Variants in FMO5 observed in about 807,000 individuals in gnomAD.
FMO5 encodes the protein flavin containing dimethylaniline monoxygenase 5, also known as flavin-containing monooxygenase 5.
In FMO5, 51 loss-of-function variants were observed where a neutral mutation model predicts 43.6. The ratio of observed to expected loss-of-function variants is 1.17; its 90% CI spans 0.93 to 1.48. FMO5 has a LOEUF of 1.48. FMO5 is among the 40% of genes most tolerant of loss of function. The pLI is 0.00. For synonymous variants in FMO5, 187 were observed against 216.5 expected, an observed-to-expected ratio of 0.86 and a Z score of 1.20; for missense variants, 644 against 643.0, an observed-to-expected ratio of 1.00 and a Z score of -0.02.
At chr1:147,225,087 G>T (rs1230672223) in intron 1 of FMO5, 21 bp from the exon 2 acceptor site, 17 of 1,610,762 alleles carry the variant, frequency 1.1e-5, no homozygotes, top group Non-Finnish European at 1.4e-5. Flanking sequence ...GATGACAAAA[G>T]ACAAAAAGCA....
rs587613791 is a variant in FMO5 at position 147,224,572 on chromosome 1, C to T, written c.135+323G>A. 5.8e-4 allele frequency among the ~76,000 whole-genome samples: 88 copies of T among 151,998 alleles called. 1 individual carries two copies. Among genetic ancestry groups the T allele is most frequent in the African/African-American group, 2.1e-3 (87 of 41,430 alleles). ...TCACCCAGGCTGGAGTGCAGTGGGG[C>T]GATCTCGGCTCACTGCAAGCTCTGC... is the stretch of plus-strand genomic sequence containing the variant. On this transcript the variant is annotated intron_variant, in intron 2 of 8. Coordinates refer to ENST00000254090, the MANE Select transcript of FMO5 (RefSeq NM_001461.4).
intron 7 of FMO5, among the ~76,000 whole-genome samples, chr1:147,197,506 T>C (rs1658214352): frequency 6.6e-6 from 1 of 151,986 alleles, no homozygotes; most frequent in Non-Finnish European, 1.5e-5. Flanking sequence ...TGGTGGGAGG[T>C]GATTTAATCA....
intron 6 of FMO5, 47 bp from the exon 7 acceptor site, chr1:147,201,551 A>C: frequency 6.8e-7 from 1 of 1,471,828 alleles, no homozygotes. Context: ...AGAAAGAGAA[A>C]TCAGTACCAC....
chr1:147,201,628 G>A (rs1200138439), intron 6 of FMO5, 124 bp from the exon 7 acceptor site: 2 of 693,136 alleles, frequency 2.9e-6, no homozygotes, highest in East Asian at 5.3e-5. Flanking sequence ...GTCTATGCAT[G>A]AAGTTTGGAA....
At chr1:147,226,570 T>C (rs782202721), upstream of FMO5, among the ~76,000 whole-genome samples, 7 of 152,180 alleles carry the variant, frequency 4.6e-5, no homozygotes, top group Non-Finnish European at 1.0e-4. Flanking sequence ...TTTCAGGCAC[T>C]GGGTTAGAAC....
chr1:147,186,780 C>T lies in FMO5; in HGVS notation c.*120G>A, dbSNP rs587736241. 6.1e-5 allele frequency: 90 copies of T among 1,479,248 alleles called. 2 individuals are homozygous for T. The South Asian group carries it at 9.5e-4, about 16-fold the overall frequency. The allele number at this position is 1,479,248 out of a possible 1,614,324, so 91.6% of individuals were successfully genotyped here. A position where few individuals can be genotyped will look rare whatever the true frequency, so the allele number is the denominator to read the frequency against. On this transcript the variant is annotated 3_prime_UTR_variant, in exon 9 of 9. Coordinates refer to ENST00000254090, the MANE Select transcript of FMO5 (RefSeq NM_001461.4). ...AAAAAGGAAAGTGAATTAATGCTTT[C>T]GAAAGAGACATTAAAGTAGATTTCT...
At chr1:147,221,665 CA>C (rs1218358410) in intron 2 of FMO5, among the ~76,000 whole-genome samples, 1 of 152,080 alleles carries the variant, frequency 6.6e-6, no homozygotes, top group Non-Finnish European at 1.5e-5. Flanking sequence ...ATGTGTATTC[CA>C]AAAGTTCAAC....
chr1:147,225,350 T>A, upstream of FMO5: 1 of 321,960 alleles, frequency 3.1e-6, no homozygotes, highest in South Asian at 4.5e-5. Flanking sequence ...AACAGGCGGC[T>A]GTTGTCAAAT....
At chr1:147,225,249 C>A in intron 1 of FMO5, 38 bp downstream of exon 1, 1 of 1,296,254 alleles carries the variant, frequency 7.7e-7, no homozygotes, top group Non-Finnish European at 1.0e-6. Flanking sequence ...CTGCAAGACC[C>A]AGAGCTGAGA....
At chr1:147,202,873 G>A (rs1659279505) in intron 6 of FMO5, among the ~76,000 whole-genome samples, 1 of 151,948 alleles carries the variant, frequency 6.6e-6, no homozygotes, top group African/African-American at 2.4e-5. Context: ...TTATATATCT[G>A]GTCACCAAGC....
chr1:147,207,523 C>T (rs1553922683), intron 6 of FMO5, among the ~76,000 whole-genome samples: 1 of 152,174 alleles, frequency 6.6e-6, no homozygotes, highest in Non-Finnish European at 1.5e-5. Context: ...AATCTGTCCT[C>T]TTTCTTCTCA....
chr1:147,222,733 C>T (rs587775192), intron 2 of FMO5, among the ~76,000 whole-genome samples: 2 of 152,232 alleles, frequency 1.3e-5, no homozygotes, highest in African/African-American at 4.8e-5. Context: ...TAAAATTTTG[C>T]CAAGTGGATA....
At chr1:147,219,042 ATT>A (rs1662524045) in intron 2 of FMO5, among the ~76,000 whole-genome samples, 1 of 152,126 alleles carries the variant, frequency 6.6e-6, no homozygotes, top group Non-Finnish European at 1.5e-5. Flanking sequence ...TTAAATCTCT[ATT>A]ATCAGGACCT....
intron 6 of FMO5, among the ~76,000 whole-genome samples, chr1:147,208,010 G>A (rs1660393344): frequency 1.3e-5 from 2 of 152,048 alleles, no homozygotes; most frequent in Admixed American, 1.3e-4. Flanking sequence ...TCAGCCTTTG[G>A]GGTAGGTTTG....
intron 8 of FMO5, among the ~76,000 whole-genome samples, chr1:147,187,474 A>G (rs1378529052): frequency 6.6e-6 from 1 of 152,196 alleles, no homozygotes; most frequent in Admixed American, 6.5e-5. Context: ...AGACTGCCAA[A>G]TAGAAATGTG....
chr1:147,204,990 G>C, intron 6 of FMO5: 1 of 969,764 alleles, frequency 1.0e-6, no homozygotes, highest in Middle Eastern at 2.7e-4. Flanking sequence ...AGGAACCAAA[G>C]GTTTTCATGC....
Position 147,201,493 on chromosome 1 carries a change from T to A in FMO5, c.842A>T (p.Gln281Leu), listed in dbSNP as rs781791745. 1 of 1,612,876 alleles carries A rather than the reference T, an allele frequency of 6.2e-7. No individual in the cohort carries two copies. Among genetic ancestry groups the A allele is most frequent in the Admixed American group, 1.7e-5 (1 of 60,006 alleles). ...GLKPKHRALS[Q>L]HPTLNDDLPN... is the part of the protein sequence containing the mutation. ...CAGGTCATCATTTAAGGTTGGATGC[T>A]GACTCAGAGCTCTGTGAGTCGTGAC... The change falls in exon 7 of 9, where the codon CAG (glutamine) becomes CTG (leucine). Residue 281 changes from glutamine to leucine, a missense_variant. Physicochemically the swap from Gln to Leu is moderately radical, Grantham distance 113 (BLOSUM62 -2). Transcript: ENST00000254090.
At position 147,202,309 on chromosome 1, in the gene FMO5, G is replaced by GTCTTTTTTTTTTTTTTTTTTTTTTTTT. The variant is rs1659115947; in HGVS notation, c.831-806_831-805insAAAAAAAAAAAAAAAAAAAAAAAAAGA. 5.1e-5 allele frequency among the ~76,000 whole-genome samples: 6 copies of GTCTTTTTTTTTTTTTTTTTTTTTTTTT among 118,436 alleles called. 3 individuals are homozygous for GTCTTTTTTTTTTTTTTTTTTTTTTTTT. Among genetic ancestry groups the GTCTTTTTTTTTTTTTTTTTTTTTTTTT allele is most frequent in the Admixed American group, 2.0e-4 (2 of 10,254 alleles). 77.7% of individuals were successfully genotyped at this position (118,436 alleles called of 152,430 possible). On this transcript the variant is annotated intron_variant, in intron 6 of 8. Transcript: ENST00000254090. ...GTATCGTGGAGCTTTCTAAAAAGCA[G>GTCTTTTTTTTTTTTTTTTTTTTTTTTT]TTCTTTTTTTTTTTTTTTTTTTTTT...
intron 2 of FMO5, chr1:147,224,261 G>A: frequency 9.5e-6 from 2 of 210,510 alleles, no homozygotes; most frequent in Non-Finnish European, 1.9e-5. Context: ...CGCTGCCAAT[G>A]GGGAGGCAAT....
Sources: gnomAD v4.1 joint callset for allele counts (sites outside exome capture counted in the v4.1 genomes callset) on GRCh38, gnomAD v4.1.1 for gene constraint, MANE v1.5 for transcripts, NCBI Gene and HGNC (gene_info 2026-07-23, HGNC 2026-07-21) for gene names.